Variants in MARCHF1 observed in about 807,000 individuals in gnomAD.
The protein encoded by MARCHF1 is E3 ubiquitin-protein ligase MARCHF1.
In MARCHF1, 40 loss-of-function variants were observed where a neutral mutation model predicts 54.2. That is an observed-to-expected ratio of 0.74 (90% CI 0.57 to 0.96). The LOEUF is 0.96. Among genes scored for constraint, MARCHF1 ranks in the 40% least tolerant of loss-of-function variants. The pLI is 0.00. For missense variants in MARCHF1, 586 were observed against 656.5 expected (o/e 0.89, Z 1.17); for synonymous variants, 236 against 236.3 (o/e 1.00, Z 0.01).
chr4:164,204,017 T>C (rs113508294), intron 1 of MARCHF1, among the ~76,000 whole-genome samples: 434 of 152,348 alleles, frequency 2.8e-3, no homozygotes, highest in Non-Finnish European at 5.2e-3. Context: ...ATGACTTCAC[T>C]GTAGTGTTCT....
At chr4:163,943,638 T>C (rs1349638928) in intron 3 of MARCHF1, among the ~76,000 whole-genome samples, 1 of 150,536 alleles carries the variant, frequency 6.6e-6, no homozygotes, top group African/African-American at 2.5e-5. Flanking sequence ...AACTAATGGG[T>C]AACAGACTTA....
intron 4 of MARCHF1, among the ~76,000 whole-genome samples, chr4:163,836,096 C>G (rs1010162891): frequency 3.3e-5 from 5 of 152,090 alleles, no homozygotes; most frequent in Admixed American, 6.5e-5. Flanking sequence ...GTACGTACTT[C>G]TTTTTATAAT....
intron 1 of MARCHF1, among the ~76,000 whole-genome samples, chr4:164,262,107 GAAAAAAAA>G (rs1184867700): frequency 1.5e-3 from 112 of 72,294 alleles, no homozygotes; most frequent in Admixed American, 3.0e-3. Context: ...CCTATCTTAA[GAAAAAAAA>G]AAAAAAAAAA....
intron 1 of MARCHF1, among the ~76,000 whole-genome samples, chr4:164,321,268 A>G (rs772366905): frequency 6.6e-6 from 1 of 152,146 alleles, no homozygotes; most frequent in Non-Finnish European, 1.5e-5. Context: ...CAAAGAAAGG[A>G]CTTTCTGGAG....
chr4:163,821,801 T>C (rs1339907496), intron 4 of MARCHF1, among the ~76,000 whole-genome samples: 4 of 151,768 alleles, frequency 2.6e-5, no homozygotes, highest in Non-Finnish European at 5.9e-5. Flanking sequence ...GGGTTTTTTT[T>C]TTTTTGTAAA....
chr4:163,946,939 T>C (rs1239369571), intron 3 of MARCHF1, among the ~76,000 whole-genome samples: 1 of 152,162 alleles, frequency 6.6e-6, no homozygotes, highest in Non-Finnish European at 1.5e-5. Flanking sequence ...ATAAAGACAT[T>C]CCAGATCTGT....
chr4:163,646,669 A>G (rs1742770964), intron 5 of MARCHF1, among the ~76,000 whole-genome samples: 3 of 152,122 alleles, frequency 2.0e-5, no homozygotes, highest in South Asian at 4.1e-4. Context: ...GTAGTTTTTT[A>G]TGTGATTGAA....
At chr4:163,807,740 A>G (rs1356008796) in intron 4 of MARCHF1, among the ~76,000 whole-genome samples, 1 of 152,166 alleles carries the variant, frequency 6.6e-6, no homozygotes, top group Admixed American at 6.6e-5. Flanking sequence ...CATATATAAC[A>G]AATAATGAAG....
At chr4:163,561,181 T>A (rs1739455405) in intron 8 of MARCHF1, among the ~76,000 whole-genome samples, 1 of 152,178 alleles carries the variant, frequency 6.6e-6, no homozygotes, top group Non-Finnish European at 1.5e-5. Flanking sequence ...ATACATGATA[T>A]CATATAGGTC....
At chr4:163,534,033 A>C (rs1005276792) in intron 9 of MARCHF1, among the ~76,000 whole-genome samples, 1 of 151,972 alleles carries the variant, frequency 6.6e-6, no homozygotes, top group East Asian at 1.9e-4. Context: ...CCAAAGTCCT[A>C]TCTGGGTAGC....
chr4:164,014,052 C>A (rs1214921681), intron 2 of MARCHF1, among the ~76,000 whole-genome samples: 2 of 151,826 alleles, frequency 1.3e-5, no homozygotes, highest in Non-Finnish European at 2.9e-5. Context: ...ATTAACTGGG[C>A]ATGGTGATGC....
At chr4:163,963,936 T>A (rs774055318) in intron 3 of MARCHF1, among the ~76,000 whole-genome samples, 4 of 151,966 alleles carry the variant, frequency 2.6e-5, no homozygotes, top group African/African-American at 9.7e-5. Flanking sequence ...AGAGACCTTA[T>A]GCAAGAACTT....
chr4:164,235,909 C>T (rs1034847706), intron 1 of MARCHF1, among the ~76,000 whole-genome samples: 2 of 151,966 alleles, frequency 1.3e-5, no homozygotes, highest in Non-Finnish European at 1.5e-5. Context: ...ATAATAAAAA[C>T]CATGCAAGTT....
chr4:163,746,013 A>C, intron 4 of MARCHF1, among the ~76,000 whole-genome samples: 1 of 152,184 alleles, frequency 6.6e-6, no homozygotes, highest in East Asian at 1.9e-4. Flanking sequence ...GTACACTGAC[A>C]CATCACCCAA....
intron 3 of MARCHF1, among the ~76,000 whole-genome samples, chr4:163,979,905 G>A (rs1210773337): frequency 1.3e-5 from 2 of 151,986 alleles, no homozygotes; most frequent in African/African-American, 4.8e-5. Flanking sequence ...TGAGTTCATT[G>A]TAGATTCTGG....
At chr4:164,115,243 T>A (rs936003777) in intron 1 of MARCHF1, among the ~76,000 whole-genome samples, 5 of 151,948 alleles carry the variant, frequency 3.3e-5, no homozygotes, top group Non-Finnish European at 7.4e-5. Context: ...CAATAATCAG[T>A]CATGAGCAAT....
At chr4:164,368,919 G>A (rs1262580842) in intron 1 of MARCHF1, among the ~76,000 whole-genome samples, 1 of 152,192 alleles carries the variant, frequency 6.6e-6, no homozygotes, top group African/African-American at 2.4e-5. Context: ...AACAGTCATG[G>A]TACAAAATGT....
intron 1 of MARCHF1, among the ~76,000 whole-genome samples, chr4:164,185,931 T>C (rs1180038400): frequency 6.6e-6 from 1 of 152,160 alleles, no homozygotes; most frequent in Admixed American, 6.6e-5. Context: ...CTCGCTCTTG[T>C]TACCCAGGCT....
chr4:164,289,544 C>T (rs1283832789), intron 1 of MARCHF1, among the ~76,000 whole-genome samples: 1 of 142,866 alleles, frequency 7.0e-6, no homozygotes, highest in Non-Finnish European at 1.5e-5. Context: ...TGAGTTGTCA[C>T]AGCAGGTAGG....
Sources: allele counts gnomAD v4.1 joint callset (sites outside exome capture counted in the v4.1 genomes callset), GRCh38; gene constraint gnomAD v4.1.1; transcripts MANE v1.5; gene names NCBI Gene and HGNC (gene_info 2026-07-23, HGNC 2026-07-21).